ANAPC5: variants seen among roughly 807,000 people sequenced by gnomAD.
ANAPC5 encodes anaphase promoting complex subunit 5.
In ANAPC5, 60 loss-of-function variants were observed where a neutral mutation model predicts 91.3. The observed-to-expected ratio is 0.66, with a 90% CI of 0.53 to 0.81. ANAPC5 has a LOEUF of 0.81. ANAPC5 is among the 40% of genes least tolerant of loss of function. The probability of loss-of-function intolerance (pLI) is 0.00; values close to 1 mark genes in which losing one functional copy is unlikely to be tolerated. For synonymous variants in ANAPC5, 340 were observed against 364.1 expected (o/e 0.93, Z 0.75); for missense variants, 690 against 931.5 (o/e 0.74, Z 3.37).
chr12:121,329,342 C>T (rs989842005), intron 9 of ANAPC5, among the ~76,000 whole-genome samples: 5 of 151,906 alleles, frequency 3.3e-5, no homozygotes, highest in Admixed American at 6.6e-5. Context: ...TTAGTAGAGA[C>T]GAGCTTTTAC....
chr12:121,331,766 C>G (rs570863374), intron 7 of ANAPC5: 1 of 165,146 alleles, frequency 6.1e-6, no homozygotes, highest in East Asian at 1.6e-4. Context: ...ATGGCATTCT[C>G]TCCTACATTA....
chr12:121,347,411 C>G (rs1282849956), intron 2 of ANAPC5: 1 of 251,934 alleles, frequency 4.0e-6, no homozygotes, highest in Non-Finnish European at 7.6e-6. Context: ...GGAGGGATTG[C>G]TTGAGCCCAG....
At chr12:121,345,683 G>C (rs1307666907) in intron 4 of ANAPC5, among the ~76,000 whole-genome samples, 156 bp downstream of exon 4, 1 of 152,138 alleles carries the variant, frequency 6.6e-6, no homozygotes, top group Non-Finnish European at 1.5e-5. Context: ...GAGGGCAAGG[G>C]ACCCACTGGT....
At chr12:121,309,554 A>T (rs1902073834) in intron 16 of ANAPC5, 147 bp downstream of exon 16, 1 of 968,164 alleles carries the variant, frequency 1.0e-6, no homozygotes, top group Non-Finnish European at 1.5e-6. Context: ...AAAGCACTTT[A>T]AATGCTGCAT....
chr12:121,324,334 G>A (rs1392581472), intron 11 of ANAPC5, among the ~76,000 whole-genome samples: 1 of 151,954 alleles, frequency 6.6e-6, no homozygotes, highest in African/African-American at 2.4e-5. Flanking sequence ...AAGGCAAGAT[G>A]AAGAAAGGGG....
At chr12:121,322,607 T>C (rs536446580) in intron 11 of ANAPC5, among the ~76,000 whole-genome samples, 1 of 152,182 alleles carries the variant, frequency 6.6e-6, no homozygotes, top group African/African-American at 2.4e-5. Flanking sequence ...TTATGGTACA[T>C]GAAAATAATC....
At chr12:121,335,158 CTTTA>C (rs1403790919) in intron 7 of ANAPC5, 30 of 154,878 alleles carry the variant, frequency 1.9e-4, no homozygotes, top group African/African-American at 3.1e-4. Flanking sequence ...AATAGCAAAT[CTTTA>C]TTTATTTTTT....
At chr12:121,316,600 G>A (rs1465175436) in intron 15 of ANAPC5, among the ~76,000 whole-genome samples, 1 of 151,830 alleles carries the variant, frequency 6.6e-6, no homozygotes, top group African/African-American at 2.4e-5. Context: ...GGGCGTGGTG[G>A]CGGGCGCCTG....
intron 4 of ANAPC5, among the ~76,000 whole-genome samples, chr12:121,344,948 G>A (rs1903607068): frequency 6.6e-6 from 1 of 152,164 alleles, no homozygotes; most frequent in Non-Finnish European, 1.5e-5. Context: ...TATTCTTAGG[G>A]GCTTCCCCAG....
intron 5 of ANAPC5, among the ~76,000 whole-genome samples, chr12:121,337,795 G>A (rs1903304333): frequency 6.6e-6 from 1 of 151,818 alleles, no homozygotes; most frequent in Non-Finnish European, 1.5e-5. Context: ...TACCCCCCCT[G>A]TGGCACTATC....
At chr12:121,316,859 G>A (rs956552349) in intron 15 of ANAPC5, among the ~76,000 whole-genome samples, 1 of 151,946 alleles carries the variant, frequency 6.6e-6, no homozygotes, top group African/African-American at 2.4e-5. Context: ...GCTGATGAAT[G>A]GATAAGCAAA....
In ANAPC5 at chr12:121,352,358, T is replaced by TCTCGG. The variant is rs1555275542; in HGVS notation, c.-23_-19dup. 1.9e-6 allele frequency: 3 copies of TCTCGG among 1,576,322 alleles called. No individual in the cohort carries two copies. The highest frequency in any genetic ancestry group is 2.6e-6 in the Non-Finnish European group (3 of 1,157,610). On this transcript the variant is annotated 5_prime_UTR_variant, in exon 1 of 17. Coordinates refer to ENST00000261819, the MANE Select transcript of ANAPC5 (RefSeq NM_016237.5). ...CTGGCCATGGCGGCCCGAGACTAAG[T>TCTCGG]CTCGGGCCCGCGGCGCGCTGCCGCC...
intron 1 of ANAPC5, among the ~76,000 whole-genome samples, chr12:121,349,665 C>CA (rs1364805973): frequency 1.3e-5 from 2 of 149,232 alleles, no homozygotes; most frequent in Non-Finnish European, 3.0e-5. Flanking sequence ...TTCCAAACAG[C>CA]AAAAAACAAC....
At chr12:121,333,355 T>C (rs1403729605) in intron 7 of ANAPC5, 1 of 152,190 alleles carries the variant, frequency 6.6e-6, no homozygotes, top group Non-Finnish European at 1.5e-5. Context: ...ATAAAGATTA[T>C]TTGTATCCAG....
chr12:121,331,109 T>C (rs1215727731), intron 8 of ANAPC5: 9 of 456,978 alleles, frequency 2.0e-5, no homozygotes, highest in Non-Finnish European at 3.6e-5. Context: ...TCTTCTTTCA[T>C]GGCAAGTTGC....
chr12:121,353,568 G>C (rs529892463), upstream of ANAPC5, among the ~76,000 whole-genome samples: 1 of 152,166 alleles, frequency 6.6e-6, no homozygotes, highest in African/African-American at 2.4e-5. Context: ...AGCCTACCGA[G>C]TAGCTGGGAC....
rs1482557733 is a variant in ANAPC5, at chr12:121,309,708, T to TG, written c.2048_2049insC (p.Lys683AsnfsTer14). The TG allele has an allele frequency of 1.2e-6, 2 of 1,613,708 alleles. No homozygotes were observed. Among genetic ancestry groups the TG allele is most frequent in the Non-Finnish European group, 1.7e-6 (2 of 1,179,804 alleles). On this transcript the variant is annotated frameshift_variant, in exon 16 of 17. Coordinates refer to ENST00000261819, the MANE Select transcript of ANAPC5 (RefSeq NM_016237.5). LOFTEE classifies it high-confidence loss of function. Reference sequence around the variant, plus strand: ...CTTCGTACAGCTTCCTACCTTCTGCTTTCTTCGGCTGATCGTAGGAAGCTG... The same window carrying TG: ...CTTCGTACAGCTTCCTACCTTCTGCTGTTCTTCGGCTGATCGTAGGAAGCTG...
Position 121,308,402 on chromosome 12 carries a change from T to C in ANAPC5, c.*78A>G, listed in dbSNP as rs945685884. 4 of 1,167,240 alleles carry C rather than the reference T, an allele frequency of 3.4e-6. No homozygotes were observed. In the African/African-American group the frequency reaches 6.1e-5, roughly 18 times the overall value. The allele number at this position is 1,167,240 out of a possible 1,614,324, so 72.3% of individuals were successfully genotyped here. ...GACAAGATAGGGTGTCACAAATACA[T>C]CATTTATAGGGAGAGAGGGGACATG... On this transcript the variant is annotated 3_prime_UTR_variant, in exon 17 of 17. Coordinates refer to ENST00000261819, the MANE Select transcript of ANAPC5 (RefSeq NM_016237.5).
intron 3 of ANAPC5, 164 bp downstream of exon 3, chr12:121,346,732 T>G: frequency 2.1e-6 from 1 of 467,198 alleles, no homozygotes; most frequent in Non-Finnish European, 3.7e-6. Flanking sequence ...CAGTTAATGA[T>G]TTAAATATAG....
Sources: allele counts gnomAD v4.1 joint callset (sites outside exome capture counted in the v4.1 genomes callset), GRCh38; gene constraint gnomAD v4.1.1; transcripts MANE v1.5; gene names NCBI Gene and HGNC (gene_info 2026-07-23, HGNC 2026-07-21).